SEMA3F: variants seen among roughly 807,000 people sequenced by gnomAD.
The protein encoded by SEMA3F is semaphorin-3F.
SEMA3F carries 30 observed loss-of-function variants against 98.5 expected under a neutral mutation model. The ratio of observed to expected loss-of-function variants is 0.30; its 90% CI spans 0.23 to 0.41. The LOEUF (loss-of-function observed/expected upper bound fraction) is 0.41. Among genes scored for constraint, SEMA3F ranks in the 10% least tolerant of loss-of-function variants. SEMA3F has a pLI of 1.00. For missense variants in SEMA3F, 866 were observed against 1,119.3 expected (o/e 0.77, Z 3.23); for synonymous variants, 380 against 444.8 (o/e 0.85, Z 1.83).
chr3:50,157,301 G>C (rs891501864), intron 1 of SEMA3F, among the ~76,000 whole-genome samples: 3 of 151,854 alleles, frequency 2.0e-5, no homozygotes, highest in Non-Finnish European at 4.4e-5. Context: ...CCGGCTCCTC[G>C]TTTCTTTGTT....
Position 50,172,180 on chromosome 3 carries a change from G to A in SEMA3F, c.113-1613G>A, listed in dbSNP as rs1447970836. On this transcript the variant is annotated intron_variant, in intron 2 of 18. Coordinates refer to ENST00000002829, the MANE Select transcript of SEMA3F (RefSeq NM_004186.5). The stretch of plus-strand genomic sequence containing the variant: ...CAGCTGGGGAGGGGAGATGAGACAT[G>A]TGTGACCCCCTTGGTGAGTGCCTCA... Among the ~76,000 whole-genome samples, 3 of 152,198 alleles carry A rather than the reference G, an allele frequency of 2.0e-5. No homozygotes were observed. In the South Asian group the frequency reaches 6.2e-4, roughly 32 times the overall value.
intron 2 of SEMA3F, among the ~76,000 whole-genome samples, chr3:50,163,017 G>A (rs1032033958): frequency 3.9e-5 from 6 of 152,296 alleles, no homozygotes; most frequent in Middle Eastern, 3.4e-3. Context: ...GGGGCTGAGC[G>A]GCTTCCCAGG....
chr3:50,162,426 A>T (rs955633423), intron 2 of SEMA3F, among the ~76,000 whole-genome samples: 2 of 152,218 alleles, frequency 1.3e-5, no homozygotes, highest in African/African-American at 4.8e-5. Context: ...TGAGGGTCAA[A>T]TGGAGATTTC....
rs1283228661 is a variant in SEMA3F, at chr3:50,155,569, G to A, written c.-49+5G>A. ...GGCCCCGCCGCTGCGGAAGAGGTGA[G>A]TGCAGCGGGAACCGGGAGGGAGCGG... is the stretch of plus-strand genomic sequence containing the variant. On this transcript the variant is annotated splice_donor_5th_base_variant and intron_variant, in intron 1 of 18. Coordinates refer to ENST00000002829, the MANE Select transcript of SEMA3F (RefSeq NM_004186.5). The surrounding 1 kb of genome is among the most constrained non-coding windows in gnomAD (Gnocchi z 4.9). The A allele has an allele frequency of 6.4e-6, 2 of 313,476 alleles. No individual in the cohort carries two copies. The highest frequency in any genetic ancestry group is 5.8e-6 in the Non-Finnish European group (1 of 171,352). 19.4% of individuals were successfully genotyped at this position (313,476 alleles called of 1,614,324 possible).
rs1326950782 is a variant in SEMA3F, at chr3:50,173,426, C to T, written c.113-367C>T. Reference sequence around the variant, plus strand: ...GGCGAAGGTTGCAGTGAGCCAAGATCGCGCCATTGCACTCCAGCCTGGGTG... The same window carrying T: ...GGCGAAGGTTGCAGTGAGCCAAGATTGCGCCATTGCACTCCAGCCTGGGTG... On this transcript the variant is annotated intron_variant, in intron 2 of 18. Transcript: ENST00000002829. The T allele has an allele frequency of 1.3e-5, 3 of 224,830 alleles. No individual in the cohort carries two copies. The South Asian group carries it at 2.0e-4, about 15-fold the overall frequency. The allele number at this position is 224,830 out of a possible 1,614,324, so 13.9% of individuals were successfully genotyped here.
chr3:50,177,570 G>A (rs1698859959), intron 7 of SEMA3F, among the ~76,000 whole-genome samples: 1 of 152,232 alleles, frequency 6.6e-6, no homozygotes, highest in African/African-American at 2.4e-5. Context: ...TCCCCCTCTT[G>A]GCAAGTGAGA....
intron 7 of SEMA3F, among the ~76,000 whole-genome samples, chr3:50,181,859 A>T (rs1022214579): frequency 1.3e-5 from 2 of 152,082 alleles, no homozygotes; most frequent in Admixed American, 1.3e-4. Context: ...CCCTCAAATG[A>T]TCCACCCACC....
chr3:50,185,939 C>T lies in SEMA3F; in HGVS notation c.1638C>T (p.His546=), dbSNP rs769286459. The change falls in exon 16 of 19, where the codon CAC becomes CAT. Residue 546 remains histidine, a synonymous_variant. Transcript: ENST00000002829. ...SAVGVTHLSL[H]RCQAYGAACA... Reference sequence around the variant, plus strand: ...TGGGTGTCACACACCTGAGCCTGCACCGCTGCCAGGCGTATGGGGCTGCCT... The same window carrying T: ...TGGGTGTCACACACCTGAGCCTGCATCGCTGCCAGGCGTATGGGGCTGCCT... 13 of 1,613,890 alleles carry T rather than the reference C, an allele frequency of 8.1e-6. No individual in the cohort carries two copies. The highest frequency in any genetic ancestry group is 4.5e-5 in the East Asian group (2 of 44,892).
chr3:50,182,499 T>C lies in SEMA3F; in HGVS notation c.763+96T>C. 3 of 1,589,632 alleles carry C rather than the reference T, an allele frequency of 1.9e-6. No homozygotes were observed. The highest frequency in any genetic ancestry group is 2.6e-6 in the Non-Finnish European group (3 of 1,165,288). On this transcript the variant is annotated intron_variant, in intron 8 of 18. Coordinates refer to ENST00000002829, the MANE Select transcript of SEMA3F (RefSeq NM_004186.5). The surrounding 1 kb of genome is among the most constrained non-coding windows in gnomAD (Gnocchi z 4.5). ...CATGTGGGGGAAGTGGGGACATGTT[T>C]AGCCTATGACTACCTGGGGCAGGGG...
Position 50,184,714 on chromosome 3 carries a change from C to T in SEMA3F, c.1356C>T (p.Pro452=), listed in dbSNP as rs776393883. The change falls in exon 13 of 19, where the codon CCC becomes CCT. Residue 452 remains proline, a synonymous_variant. Transcript: ENST00000002829. ...CCGTGTACCCTCTGCAGCGGCGGCC[C>T]CTGGTAGTCCGCACAGGTGCTCCCT... is the stretch of plus-strand genomic sequence containing the variant. The part of the protein sequence containing the change: ...YQAVYPLQRR[P]LVVRTGAPYR... 7 of 1,614,136 alleles carry T rather than the reference C, an allele frequency of 4.3e-6. No individual in the cohort carries two copies. Among genetic ancestry groups the T allele is most frequent in the South Asian group, 1.1e-5 (1 of 91,082 alleles).
chr3:50,185,561 C>T (rs752747045), intron 14 of SEMA3F, 30 bp downstream of exon 14: 1 of 1,612,386 alleles, frequency 6.2e-7, no homozygotes. Flanking sequence ...GTCCTGACCT[C>T]CCCACCTTTA....
intron 16 of SEMA3F, 114 bp from the exon 17 acceptor site, chr3:50,186,167 G>T: frequency 6.9e-7 from 1 of 1,449,464 alleles, no homozygotes; most frequent in Non-Finnish European, 9.5e-7. Context: ...GAGTCTTATG[G>T]GTAAGACATC....
intron 2 of SEMA3F, among the ~76,000 whole-genome samples, chr3:50,162,736 T>A (rs1698257978): frequency 6.6e-6 from 1 of 152,056 alleles, no homozygotes; most frequent in Non-Finnish European, 1.5e-5. Context: ...CACGACACAC[T>A]GCTGCTGCCT....
intron 2 of SEMA3F, among the ~76,000 whole-genome samples, chr3:50,170,118 A>T (rs541076018): frequency 6.6e-6 from 1 of 151,782 alleles, no homozygotes; most frequent in Non-Finnish European, 1.5e-5. Flanking sequence ...TTCCCTTTTC[A>T]CCTACAGTCT....
In SEMA3F at chr3:50,166,615, GA is replaced by G. The variant is rs2109070100; in HGVS notation, c.112+6882del. On this transcript the variant is annotated intron_variant, in intron 2 of 18. Coordinates refer to ENST00000002829, the MANE Select transcript of SEMA3F (RefSeq NM_004186.5). This position sits in a 1 kb window ranked among gnomAD's most constrained non-coding sequence, Gnocchi z 4.7. ...TCGGTTTCTCCATCAGAATGTTGGG[GA>G]GGGGCTAAGACTGTCTGGAACATCC... Among the ~76,000 whole-genome samples, 1 of 152,278 alleles carries G rather than the reference GA, an allele frequency of 6.6e-6. No individual in the cohort carries two copies. The highest frequency in any genetic ancestry group is 2.1e-4 in the South Asian group (1 of 4,826).
chr3:50,168,675 C>A (rs1309217887), intron 2 of SEMA3F, among the ~76,000 whole-genome samples: 2 of 152,198 alleles, frequency 1.3e-5, no homozygotes, highest in African/African-American at 4.8e-5. Context: ...GCCCAGTCCC[C>A]AGGCCTTCCT....
In SEMA3F at chr3:50,183,000, A is replaced by G; in HGVS notation, c.1000A>G (p.Thr334Ala). 6.2e-7 allele frequency: 1 copy of G among 1,613,628 alleles called. No homozygotes were observed. Among genetic ancestry groups the G allele is most frequent in the Non-Finnish European group, 8.5e-7 (1 of 1,179,864 alleles). The change falls in exon 10 of 19, where the codon ACT becomes GCT. Residue 334 changes from threonine to alanine, a missense_variant. Physicochemically the swap from Thr to Ala is moderately conservative, Grantham distance 58. Coordinates refer to ENST00000002829, the MANE Select transcript of SEMA3F (RefSeq NM_004186.5). The surrounding 1 kb of genome is among the most constrained non-coding windows in gnomAD (Gnocchi z 4.5). ...CSVPGEDGIE[T>A]HFDELQDVFV... ...TGTCCCGGGCGAGGATGGCATTGAG[A>G]CTCACTTTGATGAGCTCCGTGAGTG...
chr3:50,181,649 C>T (rs1172666826), intron 7 of SEMA3F, among the ~76,000 whole-genome samples: 1 of 146,656 alleles, frequency 6.8e-6, no homozygotes, highest in Non-Finnish European at 1.5e-5. Context: ...TAAGATGGAG[C>T]CTTGCTCTGT....
intron 11 of SEMA3F, 31 bp downstream of exon 11, chr3:50,183,286 G>C (rs770409864): frequency 1.9e-6 from 3 of 1,611,158 alleles, no homozygotes; most frequent in African/African-American, 1.3e-5. Flanking sequence ...AGCAGTGGCA[G>C]GGAGTGGCCC....
Sources: allele counts gnomAD v4.1 joint callset (sites outside exome capture counted in the v4.1 genomes callset), GRCh38; gene constraint gnomAD v4.1.1; non-coding constraint Gnocchi (gnomAD v3.1); transcripts MANE v1.5; gene names NCBI Gene and HGNC (gene_info 2026-07-23, HGNC 2026-07-21).